The following PCDHGB3 variants were observed in gnomAD, a reference collection of about 807,000 sequenced individuals.
PCDHGB3 encodes protocadherin gamma subfamily B, 3, also known as protocadherin gamma-B3.
PCDHGB3 carries 40 observed loss-of-function variants against 59.2 expected under a neutral mutation model. The ratio of observed to expected loss-of-function variants is 0.68; its 90% CI spans 0.52 to 0.88. The LOEUF (loss-of-function observed/expected upper bound fraction) is 0.88. PCDHGB3 is among the 40% of genes least tolerant of loss of function. The probability of loss-of-function intolerance (pLI) is 0.00; values close to 1 mark genes in which losing one functional copy is unlikely to be tolerated. For synonymous variants in PCDHGB3, 581 were observed against 503.6 expected, an observed-to-expected ratio of 1.15 and a Z score of -2.06; for missense variants, 1,309 against 1,187.9, an observed-to-expected ratio of 1.10 and a Z score of -1.50.
intron 1 of PCDHGB3, among the ~76,000 whole-genome samples, chr5:141,405,967 G>A (rs76683972): frequency 6.6e-6 from 1 of 152,068 alleles, no homozygotes; most frequent in Non-Finnish European, 1.5e-5. Flanking sequence ...TGCTGTCAAC[G>A]TAAACCATAC....
intron 1 of PCDHGB3, chr5:141,418,920 A>G: frequency 6.2e-7 from 1 of 1,613,992 alleles, no homozygotes; most frequent in Non-Finnish European, 8.5e-7. Flanking sequence ...TCACTCTCTG[A>G]TCAGATTATG....
intron 1 of PCDHGB3, chr5:141,383,132 A>G: frequency 1.2e-6 from 2 of 1,614,110 alleles, no homozygotes; most frequent in Non-Finnish European, 1.7e-6. Context: ...TTCGCCCTGA[A>G]CCAGCGCAGC....
chr5:141,463,548 A>C (rs2099063677), intron 1 of PCDHGB3, among the ~76,000 whole-genome samples: 1 of 140,798 alleles, frequency 7.1e-6, no homozygotes, highest in Non-Finnish European at 1.5e-5. Context: ...TCCCGGGTTC[A>C]TGCCATTCTC....
chr5:141,408,295 G>A (rs1185231517), intron 1 of PCDHGB3: 8 of 1,613,700 alleles, frequency 5.0e-6, no homozygotes, highest in East Asian at 2.2e-5. Flanking sequence ...CCCTGAGTGA[G>A]CCGATCCGCT....
chr5:141,408,315 C>T lies in PCDHGB3; in HGVS notation c.2415+35506C>T, dbSNP rs757628906. The stretch of plus-strand genomic sequence containing the variant: ...AGTGAGCCGATCCGCTACTCGATTC[C>T]GGAGGAGCTGGCCAAGGGCTCGGTG... On this transcript the variant is annotated intron_variant, in intron 1 of 3. Coordinates refer to ENST00000576222, the MANE Select transcript of PCDHGB3 (RefSeq NM_018924.5). The T allele has an allele frequency of 5.6e-6, 9 of 1,613,712 alleles. No homozygotes were observed. The highest frequency in any genetic ancestry group is 6.8e-6 in the Non-Finnish European group (8 of 1,179,748).
chr5:141,395,013 G>A, intron 1 of PCDHGB3: 2 of 1,614,064 alleles, frequency 1.2e-6, no homozygotes, highest in South Asian at 1.1e-5. Flanking sequence ...CAGATTGGTA[G>A]GCGTGCCTGC....
intron 1 of PCDHGB3, chr5:141,475,934 G>C (rs754356530): frequency 3.0e-6 from 2 of 665,118 alleles, no homozygotes; most frequent in Non-Finnish European, 5.0e-6. Context: ...TCGGGCCCCT[G>C]CCCGTCCCCT....
chr5:141,430,276 G>C (rs2097271928), intron 1 of PCDHGB3, among the ~76,000 whole-genome samples: 1 of 151,720 alleles, frequency 6.6e-6, no homozygotes, highest in South Asian at 2.1e-4. Context: ...TGTGTTGGGG[G>C]AACAGTAATC....
At chr5:141,382,912 C>A (rs771685139) in intron 1 of PCDHGB3, 1 of 1,552,238 alleles carries the variant, frequency 6.4e-7, no homozygotes. Flanking sequence ...GGCGGCTCAG[C>A]CGAGGGGCGG....
intron 1 of PCDHGB3, chr5:141,375,342 T>C: frequency 6.2e-7 from 1 of 1,613,798 alleles, no homozygotes; most frequent in Non-Finnish European, 8.5e-7. Flanking sequence ...TTGTACAACA[T>C]CACTGTGACA....
chr5:141,476,714 C>T lies in PCDHGB3; in HGVS notation c.2416-18093C>T, dbSNP rs146188020. On this transcript the variant is annotated intron_variant, in intron 1 of 3. Transcript: ENST00000576222. The surrounding 1 kb of genome is among the most constrained non-coding windows in gnomAD (Gnocchi z 7.6). ...CAAGTACGCGGAGCTGGTGTTGGAG[C>T]GCGCCCTGGACCGAGAACGGGAGCC... The T allele has an allele frequency of 6.2e-7, 1 of 1,614,154 alleles. No individual in the cohort carries two copies. The highest frequency in any genetic ancestry group is 8.5e-7 in the Non-Finnish European group (1 of 1,180,032).
rs70988800 is a variant in PCDHGB3, at chr5:141,379,889, C to CTT, written c.2415+7109_2415+7110dup. On this transcript the variant is annotated intron_variant, in intron 1 of 3. Transcript: ENST00000576222. ...CTTATTTTATGGTCTGTGAAAGCCT[C>CTT]TTTTTTTTTTTTTTTTTTTTTTTTT... Among the ~76,000 whole-genome samples the CTT allele has an allele frequency of 2.1e-3, 106 of 50,824 alleles. 11 individuals carry two copies. Among genetic ancestry groups the CTT allele is most frequent in the East Asian group, 2.5e-3 (4 of 1,606 alleles). 33.3% of individuals were successfully genotyped at this position (50,824 alleles called of 152,430 possible).
At chr5:141,399,645 A>C (rs762123604) in intron 1 of PCDHGB3, 8 of 1,613,676 alleles carry the variant, frequency 5.0e-6, no homozygotes, top group Admixed American at 1.7e-5. Flanking sequence ...TGAGCGCGCA[A>C]AGTGGGGTGG....
rs753032334 is a variant in PCDHGB3, at chr5:141,372,277, C to T, written c.1883C>T (p.Thr628Met). 1.2e-6 allele frequency: 2 copies of T among 1,613,112 alleles called. No homozygotes were observed. Among genetic ancestry groups the T allele is most frequent in the Non-Finnish European group, 1.7e-6 (2 of 1,179,820 alleles). The change falls in exon 1 of 4, where the codon ACG becomes ATG. Residue 628 changes from threonine to methionine, a missense_variant. By Grantham distance (81) the Thr-to-Met change is moderately conservative. Coordinates refer to ENST00000576222, the MANE Select transcript of PCDHGB3 (RefSeq NM_018924.5). ...GGCCTGCGCACGGGTGAGGTGCGCACGGCGCGTACCTTGGGCGACAGGGAG... is the reference window on the plus strand; with the variant it reads ...GGCCTGCGCACGGGTGAGGTGCGCATGGCGCGTACCTTGGGCGACAGGGAG... The part of the protein sequence containing the change: ...SLGLRTGEVR[T>M]ARTLGDREAA...
intron 1 of PCDHGB3, chr5:141,442,507 G>C (rs1394231840): frequency 1.3e-5 from 2 of 152,208 alleles, no homozygotes; most frequent in Non-Finnish European, 1.5e-5. Flanking sequence ...TATTCTAATT[G>C]CTTGGGCAGA....
At chr5:141,482,719 G>C (rs1221351410) in intron 1 of PCDHGB3, among the ~76,000 whole-genome samples, 1 of 129,252 alleles carries the variant, frequency 7.7e-6, no homozygotes, top group African/African-American at 3.5e-5. Flanking sequence ...GGCAGGGAGG[G>C]GCCATTGCAA....
intron 1 of PCDHGB3, among the ~76,000 whole-genome samples, chr5:141,456,808 C>CA (rs1316636483): frequency 6.6e-5 from 10 of 151,878 alleles, no homozygotes; most frequent in Admixed American, 6.6e-4. Flanking sequence ...ACTAAAAATA[C>CA]AAAAAATTAG....
At chr5:141,419,724 G>T in intron 1 of PCDHGB3, 1 of 1,613,488 alleles carries the variant, frequency 6.2e-7, no homozygotes, top group Non-Finnish European at 8.5e-7. Flanking sequence ...CTGGGGCTGC[G>T]AACAGGCGAG....
chr5:141,448,394 T>A (rs1360417681), intron 1 of PCDHGB3, among the ~76,000 whole-genome samples: 2 of 152,206 alleles, frequency 1.3e-5, no homozygotes, highest in Admixed American at 6.5e-5. Context: ...TACATTTACA[T>A]GGTTTTAAAA....
Sources: gnomAD v4.1 joint callset for allele counts (sites outside exome capture counted in the v4.1 genomes callset) on GRCh38, gnomAD v4.1.1 for gene constraint, Gnocchi (gnomAD v3.1) non-coding constraint, MANE v1.5 for transcripts, NCBI Gene and HGNC (gene_info 2026-07-23, HGNC 2026-07-21) for gene names.